The following CDH7 variants were observed in gnomAD, a reference collection of about 807,000 sequenced individuals.
CDH7 encodes cadherin-7.
A neutral mutation model predicts 71.8 loss-of-function variants in CDH7; 25 were observed. The ratio of observed to expected loss-of-function variants is 0.35; its 90% CI spans 0.25 to 0.49. CDH7 has a LOEUF of 0.49. Ranked by LOEUF, CDH7 falls within the 20% of genes least tolerant of loss-of-function variation. The pLI is 0.99. For missense variants in CDH7, 862 were observed against 974.6 expected, an observed-to-expected ratio of 0.88 and a Z score of 1.54; for synonymous variants, 381 against 363.8, an observed-to-expected ratio of 1.05 and a Z score of -0.54.
At chr18:65,865,771 T>C (rs1913734614) in intron 11 of CDH7, 1 of 152,202 alleles carries the variant, frequency 6.6e-6, no homozygotes, top group Non-Finnish European at 1.5e-5. Context: ...TGAGATTAAG[T>C]ATTCACAGGG....
chr18:65,850,813 CTT>C (rs370158021), intron 7 of CDH7, among the ~76,000 whole-genome samples: 89 of 137,690 alleles, frequency 6.5e-4, no homozygotes, highest in African/African-American at 8.5e-4. Flanking sequence ...CATTTTTATT[CTT>C]TTTTTTTTTT....
chr18:65,765,705 G>T (rs1916339604), intron 2 of CDH7, among the ~76,000 whole-genome samples: 1 of 152,020 alleles, frequency 6.6e-6, no homozygotes, highest in Non-Finnish European at 1.5e-5. Flanking sequence ...GAAAATATAA[G>T]TGATGACTTT....
At chr18:65,868,128 T>C (rs1913821337) in intron 11 of CDH7, among the ~76,000 whole-genome samples, 2 of 152,192 alleles carry the variant, frequency 1.3e-5, no homozygotes. Context: ...TGATAGAACA[T>C]AATTGGCATA....
At chr18:65,876,391 A>AT (rs1159866030) in intron 11 of CDH7, among the ~76,000 whole-genome samples, 1 of 151,940 alleles carries the variant, frequency 6.6e-6, no homozygotes, top group Non-Finnish European at 1.5e-5. Flanking sequence ...ATTTTTATTT[A>AT]TTTTTTTGAA....
In CDH7 at chr18:65,844,059, C is replaced by G. The variant is rs1396961257; in HGVS notation, c.1229C>G (p.Pro410Arg). 1 of 1,611,924 alleles carries G rather than the reference C, an allele frequency of 6.2e-7. No individual in the cohort carries two copies. Among genetic ancestry groups the G allele is most frequent in the African/African-American group, 1.3e-5 (1 of 74,560 alleles). The change falls in exon 7 of 12, where the codon CCT (proline) becomes CGT (arginine). Residue 410 changes from proline to arginine, a missense_variant. Physicochemically the swap from Pro to Arg is moderately radical, Grantham distance 103. Transcript: ENST00000397968. ...AAHDPDSSNS[P>R]VRYSIDRNTD... ...CATGACCCAGATTCTTCCAATAGCC[C>G]TGTGAGGTAAAAACTCATTGTTGTC...
intron 2 of CDH7, among the ~76,000 whole-genome samples, chr18:65,802,383 A>G (rs1484724): frequency 0.6 from 91,864 of 152,042 alleles, 29,426 homozygotes; most frequent in East Asian, 0.97. Context: ...TGAGCTGACT[A>G]TAACAGTTTC....
Position 65,852,219 on chromosome 18 carries a change from C to A in CDH7, c.1236-5597C>A, listed in dbSNP as rs551848392. Among the ~76,000 whole-genome samples, 4 of 152,210 alleles carry A rather than the reference C, an allele frequency of 2.6e-5. No homozygotes were observed. The South Asian group carries it at 8.3e-4, about 32-fold the overall frequency. On this transcript the variant is annotated intron_variant, in intron 7 of 11. Coordinates refer to ENST00000397968, the MANE Select transcript of CDH7 (RefSeq NM_004361.5). ...GGTGGCTGAAACTACAATTTGTATG[C>A]AACATAGTATGCTGGAAAACTGGCT...
chr18:65,887,422 C>G lies in CDH7; in HGVS notation c.*6528C>G, dbSNP rs751026430. ...CTAATTCTATCCCTCCCCCCTCCCC[C>G]TACCCCACAACAGTCCCTAGAGTGT... On this transcript the variant is annotated 3_prime_UTR_variant, in exon 12 of 12. Transcript: ENST00000397968. The G allele has an allele frequency of 2.7e-5, 4 of 147,550 alleles. No individual in the cohort carries two copies. Among genetic ancestry groups the G allele is most frequent in the Non-Finnish European group, 6.0e-5 (4 of 66,964 alleles). The allele number at this position is 147,550 out of a possible 1,614,324, so 9.1% of individuals were successfully genotyped here.
intron 7 of CDH7, among the ~76,000 whole-genome samples, chr18:65,851,020 TCTCTAAGTCCTGAA>T (rs1913132845): frequency 6.6e-6 from 1 of 151,952 alleles, no homozygotes; most frequent in African/African-American, 2.4e-5. Flanking sequence ...CCTAGGCTGG[TCTCTAAGTCCTGAA>T]CTCAAGCAAT....
Position 65,843,881 on chromosome 18 carries a change from C to T in CDH7, c.1051C>T (p.Arg351Cys). ...AGCTGCAAATAAAGATGCCGACCCTCGCTTTCTGAGCTTGGGTCCGTTCAG... is the reference window on the plus strand; with the variant it reads ...AGCTGCAAATAAAGATGCCGACCCTTGCTTTCTGAGCTTGGGTCCGTTCAG... ...IEAANKDADPRFLSLGPFSDT... is the reference protein window; with the variant it reads ...IEAANKDADPCFLSLGPFSDT... The change falls in exon 7 of 12, where the codon CGC becomes TGC. Residue 351 changes from arginine (R) to cysteine (C), a missense_variant. By Grantham distance (180) the Arg-to-Cys change is radical (BLOSUM62 -3). Transcript: ENST00000397968. The T allele has an allele frequency of 1.3e-6, 2 of 1,586,154 alleles. No homozygotes were observed. Among genetic ancestry groups the T allele is most frequent in the Non-Finnish European group, 8.6e-7 (1 of 1,162,838 alleles).
At chr18:65,844,232 T>C (rs1267977043) in intron 7 of CDH7, among the ~76,000 whole-genome samples, 167 bp downstream of exon 7, 3 of 137,240 alleles carry the variant, frequency 2.2e-5, no homozygotes, top group Non-Finnish European at 3.2e-5. Flanking sequence ...AAACATACAT[T>C]TTACTAACTC....
At chr18:65,781,805 TC>T (rs1568181434) in intron 2 of CDH7, among the ~76,000 whole-genome samples, 1 of 80,628 alleles carries the variant, frequency 1.2e-5, no homozygotes, top group Non-Finnish European at 2.3e-5. Flanking sequence ...CTTCCTTCCT[TC>T]CTTCCTTCCT....
intron 6 of CDH7, among the ~76,000 whole-genome samples, chr18:65,839,741 G>C (rs181347064): frequency 4.6e-5 from 7 of 152,292 alleles, no homozygotes; most frequent in Admixed American, 3.3e-4. Context: ...AGTTGTGTGA[G>C]AAAGAAATGC....
At chr18:65,810,099 A>T in intron 3 of CDH7, 101 bp downstream of exon 3, 2 of 985,928 alleles carry the variant, frequency 2.0e-6, no homozygotes, top group Admixed American at 2.3e-5. Context: ...AAAAAACCTT[A>T]CTAGTATGTG....
chr18:65,879,282 C>T lies in CDH7; in HGVS notation c.1865-1119C>T, dbSNP rs188951999. Reference sequence around the variant, plus strand: ...TACAAGATACTTTAAAAATATTTCACGCCTGCTTTTAAAAATATGATGACA... The same window carrying T: ...TACAAGATACTTTAAAAATATTTCATGCCTGCTTTTAAAAATATGATGACA... On this transcript the variant is annotated intron_variant, in intron 11 of 11. Coordinates refer to ENST00000397968, the MANE Select transcript of CDH7 (RefSeq NM_004361.5). Among the ~76,000 whole-genome samples, 247 of 152,184 alleles carry T rather than the reference C, an allele frequency of 1.6e-3. 1 individual carries two copies. Among genetic ancestry groups the T allele is most frequent in the South Asian group, 8.5e-3 (41 of 4,824 alleles).
intron 11 of CDH7, among the ~76,000 whole-genome samples, chr18:65,876,592 C>T (rs1914080258): frequency 1.3e-5 from 2 of 152,140 alleles, no homozygotes; most frequent in Non-Finnish European, 1.5e-5. Flanking sequence ...TGTCCCTACC[C>T]TCAGCCTCCA....
intron 11 of CDH7, among the ~76,000 whole-genome samples, chr18:65,867,192 C>G (rs577177192): frequency 6.6e-6 from 1 of 151,964 alleles, no homozygotes; most frequent in African/African-American, 2.4e-5. Flanking sequence ...CCTGCCACCA[C>G]GCCCGGCTAA....
At chr18:65,867,446 T>C (rs1024312388) in intron 11 of CDH7, among the ~76,000 whole-genome samples, 11 of 152,174 alleles carry the variant, frequency 7.2e-5, no homozygotes, top group Admixed American at 6.5e-4. Context: ...ACAATTATTC[T>C]TCCACCAGGC....
intron 11 of CDH7, among the ~76,000 whole-genome samples, chr18:65,871,302 C>G (rs918556653): frequency 6.6e-6 from 1 of 152,154 alleles, no homozygotes; most frequent in Admixed American, 6.6e-5. Context: ...TAGACACTCA[C>G]TTAATCTTCA....
Sources: allele counts gnomAD v4.1 joint callset (sites outside exome capture counted in the v4.1 genomes callset), GRCh38; gene constraint gnomAD v4.1.1; transcripts MANE v1.5; gene names NCBI Gene and HGNC (gene_info 2026-07-23, HGNC 2026-07-21).